The following ELMO1 variants were observed in gnomAD, a reference collection of about 807,000 sequenced individuals.
ELMO1 encodes the protein engulfment and cell motility 1.
ELMO1 carries 26 observed loss-of-function variants against 98.9 expected under a neutral mutation model. The ratio of observed to expected loss-of-function variants is 0.26; its 90% CI spans 0.19 to 0.36. The LOEUF is 0.36. Among genes scored for constraint, ELMO1 ranks in the 10% least tolerant of loss-of-function variants. The probability of loss-of-function intolerance (pLI) is 1.00; values close to 1 mark genes in which losing one functional copy is unlikely to be tolerated. For missense variants in ELMO1, 627 were observed against 935.2 expected (o/e 0.67, Z 4.30); for synonymous variants, 346 against 346.0 (o/e 1.00, Z 0.00).
chr7:37,445,762 G>A (rs2131600249), intron 1 of ELMO1, among the ~76,000 whole-genome samples: 1 of 152,232 alleles, frequency 6.6e-6, no homozygotes, highest in South Asian at 2.1e-4. Flanking sequence ...CTGCCACACA[G>A]CCTCCCTTAC....
chr7:36,894,722 G>A (rs1805847571), intron 17 of ELMO1, 132 bp downstream of exon 17: 5 of 1,128,158 alleles, frequency 4.4e-6, no homozygotes, highest in Non-Finnish European at 6.4e-6. Context: ...ACTAAATGGA[G>A]ATACTTGGAA....
chr7:37,277,772 C>T (rs565069065), intron 4 of ELMO1, among the ~76,000 whole-genome samples: 1 of 152,380 alleles, frequency 6.6e-6, no homozygotes, highest in South Asian at 2.1e-4. Context: ...CACCCCCACA[C>T]TCAGCTGGTT....
chr7:37,001,818 A>T (rs1792690704), intron 16 of ELMO1, among the ~76,000 whole-genome samples: 1 of 152,218 alleles, frequency 6.6e-6, no homozygotes, highest in African/African-American at 2.4e-5. Flanking sequence ...AAATTACTTT[A>T]GGTGAATTAA....
At position 36,887,658 on chromosome 7, in the gene ELMO1, T is replaced by C; in HGVS notation, c.1616A>G (p.Lys539Arg). 2 of 1,614,076 alleles carry C rather than the reference T, an allele frequency of 1.2e-6. No individual in the cohort carries two copies. The highest frequency in any genetic ancestry group is 1.1e-5 in the South Asian group (1 of 91,080). Residue 539 changes from lysine (K) to arginine (R), a missense_variant, in exon 18 of 22, where the codon AAG becomes AGG. Around this residue, in one of 3 missense-constraint regions of ELMO1, gnomAD observed 492 missense variants for 715.6 expected, o/e 0.69. Coordinates refer to ENST00000310758, the MANE Select transcript of ELMO1 (RefSeq NM_014800.11). ...QSRPILELKE[K>R]IQPEILELIK... The stretch of plus-strand genomic sequence containing the variant: ...CAGCTCTAAGATTTCTGGCTGAATC[T>C]TCTCCTTTAGTTCCCTGTTAGAGGA...
intron 15 of ELMO1, among the ~76,000 whole-genome samples, chr7:37,090,722 C>T (rs1230736202): frequency 6.6e-6 from 1 of 152,198 alleles, no homozygotes; most frequent in Non-Finnish European, 1.5e-5. Context: ...ACTCTCCTTT[C>T]CCCAGCCCTG....
chr7:37,017,308 G>A (rs919883821), intron 15 of ELMO1, among the ~76,000 whole-genome samples: 6 of 151,988 alleles, frequency 3.9e-5, no homozygotes, highest in Non-Finnish European at 8.8e-5. Flanking sequence ...GTTTCCCCAG[G>A]TACTCAGGCA....
intron 13 of ELMO1, among the ~76,000 whole-genome samples, chr7:37,140,103 T>C (rs1320923065): frequency 1.3e-5 from 2 of 151,510 alleles, no homozygotes; most frequent in Non-Finnish European, 2.9e-5. Context: ...AGGCCGGGCA[T>C]GGTGGTTCAC....
In ELMO1 at chr7:37,401,585, C is replaced by T. The variant is rs1164382484; in HGVS notation, c.-74+47090G>A. Among the ~76,000 whole-genome samples the T allele has an allele frequency of 2.0e-5, 3 of 152,108 alleles. No homozygotes were observed. In the East Asian group the frequency reaches 5.8e-4, roughly 29 times the overall value. The stretch of plus-strand genomic sequence containing the variant: ...GGCCTCAGGAAACTTATAATCATGG[C>T]AGAAGGGGAAGCAAACACATCCTTC... On this transcript the variant is annotated intron_variant, in intron 1 of 21. Coordinates refer to ENST00000310758, the MANE Select transcript of ELMO1 (RefSeq NM_014800.11).
intron 15 of ELMO1, among the ~76,000 whole-genome samples, chr7:37,033,754 A>G (rs548500473): frequency 1.3e-5 from 2 of 152,346 alleles, no homozygotes; most frequent in Admixed American, 6.5e-5. Flanking sequence ...GACTAAGATC[A>G]TCAGAATTGA....
At chr7:37,012,600 G>A (rs943124395) in intron 16 of ELMO1, among the ~76,000 whole-genome samples, 1 of 152,202 alleles carries the variant, frequency 6.6e-6, no homozygotes, top group Non-Finnish European at 1.5e-5. Context: ...AGCATGGATA[G>A]TGCTTCTGCT....
intron 4 of ELMO1, among the ~76,000 whole-genome samples, chr7:37,275,185 A>T (rs113370991): frequency 6.6e-6 from 1 of 152,170 alleles, no homozygotes; most frequent in South Asian, 2.1e-4. Flanking sequence ...CTCAACATAC[A>T]TGACAGCAAA....
intron 13 of ELMO1, among the ~76,000 whole-genome samples, chr7:37,169,735 C>T (rs1007185298): frequency 6.6e-6 from 1 of 152,158 alleles, no homozygotes; most frequent in Non-Finnish European, 1.5e-5. Context: ...ACATGTCACA[C>T]ATGAATGTGA....
At chr7:37,314,644 G>A (rs1043047096) in intron 4 of ELMO1, among the ~76,000 whole-genome samples, 9 of 152,074 alleles carry the variant, frequency 5.9e-5, no homozygotes, top group Non-Finnish European at 1.0e-4. Context: ...AACAAGACAC[G>A]AAACATATTT....
intron 18 of ELMO1, among the ~76,000 whole-genome samples, chr7:36,884,743 C>T (rs544397122): frequency 1.8e-4 from 28 of 152,316 alleles, no homozygotes; most frequent in East Asian, 1.7e-3. Flanking sequence ...GTGGCACAGT[C>T]GAGCACTCTC....
In ELMO1 at chr7:37,109,550, C is replaced by A. The variant is rs531199068; in HGVS notation, c.1192-12823G>T. The stretch of plus-strand genomic sequence containing the variant: ...CCTCCCCAGATAAGGCCCAGGGGAT[C>A]CGGGAGTGTGAGGGTGGGGAACAGA... On this transcript the variant is annotated intron_variant, in intron 14 of 21. Coordinates refer to ENST00000310758, the MANE Select transcript of ELMO1 (RefSeq NM_014800.11). Among the ~76,000 whole-genome samples, 4 of 152,220 alleles carry A rather than the reference C, an allele frequency of 2.6e-5. No homozygotes were observed. In the South Asian group the frequency reaches 8.3e-4, roughly 32 times the overall value.
At chr7:36,948,136 C>T (rs1787658484) in intron 16 of ELMO1, among the ~76,000 whole-genome samples, 1 of 152,056 alleles carries the variant, frequency 6.6e-6, no homozygotes, top group Non-Finnish European at 1.5e-5. Flanking sequence ...TCAAGAGGTA[C>T]TTGATTTTAT....
At chr7:36,971,862 A>G (rs1269913536) in intron 16 of ELMO1, among the ~76,000 whole-genome samples, 1 of 152,206 alleles carries the variant, frequency 6.6e-6, no homozygotes, top group Non-Finnish European at 1.5e-5. Flanking sequence ...TAACTTTTCC[A>G]AGAATAAGAC....
chr7:37,255,812 G>C (rs1414298912), intron 6 of ELMO1, among the ~76,000 whole-genome samples: 3 of 108,758 alleles, frequency 2.8e-5, no homozygotes, highest in South Asian at 2.7e-4. Flanking sequence ...TCAATAAACA[G>C]GGGTAAACAT....
At chr7:37,379,971 C>T (rs1229361746) in intron 1 of ELMO1, among the ~76,000 whole-genome samples, 1 of 152,138 alleles carries the variant, frequency 6.6e-6, no homozygotes, top group African/African-American at 2.4e-5. Flanking sequence ...AAACTATGCC[C>T]CAAAGTGAAT....
Sources: allele counts gnomAD v4.1 joint callset (sites outside exome capture counted in the v4.1 genomes callset), GRCh38; gene constraint gnomAD v4.1.1; regional missense constraint gnomAD v4.1.1; transcripts MANE v1.5; gene names NCBI Gene and HGNC (gene_info 2026-07-23, HGNC 2026-07-21).